CCDC158: variants seen among roughly 807,000 people sequenced by gnomAD.
The protein encoded by CCDC158 is coiled-coil domain-containing protein 158.
In CCDC158, 116 loss-of-function variants were observed where a neutral mutation model predicts 138.6. The ratio of observed to expected loss-of-function variants is 0.84; its 90% CI spans 0.72 to 0.98. CCDC158 has a LOEUF of 0.98. Ranked by LOEUF, CCDC158 falls within the 50% of genes least tolerant of loss-of-function variation. CCDC158 has a pLI of 0.00. For synonymous variants in CCDC158, 436 were observed against 442.4 expected (o/e 0.99, Z 0.18); for missense variants, 1,265 against 1,306.1 (o/e 0.97, Z 0.48).
chr4:76,326,315 C>G (rs6834622), intron 22 of CCDC158, among the ~76,000 whole-genome samples: 4,455 of 152,142 alleles, frequency 0.029, 220 homozygotes, highest in African/African-American at 0.1. Flanking sequence ...ATGAATGCTC[C>G]CTAGAGTAAG....
intron 2 of CCDC158, among the ~76,000 whole-genome samples, chr4:76,406,075 AC>A (rs1330699647): frequency 6.6e-6 from 1 of 152,168 alleles, no homozygotes; most frequent in Middle Eastern, 3.2e-3. Context: ...AAAAAAAACA[AC>A]CCTGCTATGT....
intron 8 of CCDC158, among the ~76,000 whole-genome samples, chr4:76,380,848 G>A (rs572960771): frequency 8.5e-5 from 13 of 152,202 alleles, no homozygotes; most frequent in East Asian, 3.9e-4. Context: ...CGCTCTGTGC[G>A]TCCTCGGTAC....
At chr4:76,326,132 G>C (rs547283138) in intron 22 of CCDC158, 117 bp from the exon 23 acceptor site, 2 of 794,502 alleles carry the variant, frequency 2.5e-6, no homozygotes, top group East Asian at 5.2e-5. Context: ...GGGACAGGGG[G>C]ACATTCTTCT....
At chr4:76,329,140 T>A (rs1720792978) in intron 21 of CCDC158, among the ~76,000 whole-genome samples, 173 bp from the exon 22 acceptor site, 1 of 152,202 alleles carries the variant, frequency 6.6e-6, no homozygotes, top group Non-Finnish European at 1.5e-5. Flanking sequence ...CAAAGTTGCA[T>A]TATCTTTTTG....
chr4:76,337,659 G>A (rs1023179744), intron 18 of CCDC158, among the ~76,000 whole-genome samples: 35 of 151,884 alleles, frequency 2.3e-4, no homozygotes, highest in Non-Finnish European at 1.8e-4. Flanking sequence ...TTGAACCCAG[G>A]AGGCAGAGGT....
At chr4:76,338,932 T>A (rs549739636) in intron 18 of CCDC158, among the ~76,000 whole-genome samples, 2 of 152,184 alleles carry the variant, frequency 1.3e-5, no homozygotes, top group Non-Finnish European at 2.9e-5. Context: ...GCTCTAAGAC[T>A]GCCAACGAAA....
At chr4:76,367,045 A>G (rs1171440475) in intron 12 of CCDC158, among the ~76,000 whole-genome samples, 1 of 152,100 alleles carries the variant, frequency 6.6e-6, no homozygotes, top group African/African-American at 2.4e-5. Flanking sequence ...ATCAGGAAAG[A>G]CTTCATAGAT....
At chr4:76,405,491 T>A (rs1179675966) in intron 2 of CCDC158, among the ~76,000 whole-genome samples, 1 of 151,900 alleles carries the variant, frequency 6.6e-6, no homozygotes, top group Non-Finnish European at 1.5e-5. Flanking sequence ...AAAGTAAATT[T>A]GGAAAAAAAG....
At chr4:76,391,399 A>G (rs770747324) in intron 4 of CCDC158, among the ~76,000 whole-genome samples, 2 of 152,036 alleles carry the variant, frequency 1.3e-5, no homozygotes, top group Non-Finnish European at 2.9e-5. Flanking sequence ...ACAAATACAC[A>G]GAAATTAAAC....
chr4:76,382,776 A>C lies in CCDC158; in HGVS notation c.804-56T>G, dbSNP rs775263258. On this transcript the variant is annotated intron_variant, in intron 7 of 24. Transcript: ENST00000682701. ...ATACAGAAGATTTTCCTGACTATGAATTATTTTAAAAATTAATGATTTTCA... is the reference window on the plus strand; with the variant it reads ...ATACAGAAGATTTTCCTGACTATGACTTATTTTAAAAATTAATGATTTTCA... The C allele has an allele frequency of 5.1e-6, 6 of 1,172,494 alleles. No individual in the cohort carries two copies. The African/African-American group carries it at 7.7e-5, about 15-fold the overall frequency. 72.6% of individuals were successfully genotyped at this position (1,172,494 alleles called of 1,614,324 possible). A position where few individuals can be genotyped will look rare whatever the true frequency, so the allele number is the denominator to read the frequency against.
At chr4:76,316,900 CA>C (rs77150446) in intron 24 of CCDC158, among the ~76,000 whole-genome samples, 3,830 of 62,500 alleles carry the variant, frequency 0.061, 28 homozygotes, top group Non-Finnish European at 0.068. Context: ...CTTTTGCAGA[CA>C]AAAAAAAAAA....
At chr4:76,381,356 C>T (rs1726229070) in intron 8 of CCDC158, among the ~76,000 whole-genome samples, 2 of 152,234 alleles carry the variant, frequency 1.3e-5, no homozygotes, top group Non-Finnish European at 2.9e-5. Flanking sequence ...CTTGGGAGCC[C>T]TGCCTTGCAT....
At chr4:76,403,083 G>A in intron 3 of CCDC158, 55 bp downstream of exon 3, 2 of 1,236,448 alleles carry the variant, frequency 1.6e-6, no homozygotes, top group Non-Finnish European at 2.3e-6. Context: ...CAGCTTGAAT[G>A]AATATCATGG....
chr4:76,325,434 C>T (rs1720430620), intron 23 of CCDC158, among the ~76,000 whole-genome samples: 1 of 152,142 alleles, frequency 6.6e-6, no homozygotes, highest in Non-Finnish European at 1.5e-5. Flanking sequence ...AAATAACAAA[C>T]TAACTTAAAA....
At chr4:76,349,793 GCTGCTAGGAAAAAT>G (rs1252812806) in intron 18 of CCDC158, among the ~76,000 whole-genome samples, 1 of 152,154 alleles carries the variant, frequency 6.6e-6, no homozygotes, top group Non-Finnish European at 1.5e-5. Flanking sequence ...TATATATTAA[GCTGCTAGGAAAAAT>G]CTAATAGATT....
chr4:76,353,389 T>A, intron 15 of CCDC158, 108 bp from the exon 16 acceptor site: 1 of 789,472 alleles, frequency 1.3e-6, no homozygotes, highest in Non-Finnish European at 2.0e-6. Flanking sequence ...TAGGTAAGTT[T>A]AATTTATATG....
chr4:76,404,208 T>C (rs1405199043), intron 2 of CCDC158, among the ~76,000 whole-genome samples: 1 of 152,104 alleles, frequency 6.6e-6, no homozygotes, highest in African/African-American at 2.4e-5. Flanking sequence ...CCTTCTTCCA[T>C]CCTTCCCACC....
chr4:76,362,698 T>C (rs1231823180), intron 12 of CCDC158, among the ~76,000 whole-genome samples: 1 of 152,256 alleles, frequency 6.6e-6, no homozygotes, highest in Non-Finnish European at 1.5e-5. Flanking sequence ...AGCAGGGCTA[T>C]GACTAGGGTA....
intron 17 of CCDC158, 45 bp downstream of exon 17, chr4:76,351,675 G>C (rs769141931): frequency 1.8e-6 from 2 of 1,138,984 alleles, no homozygotes; most frequent in Admixed American, 3.5e-5. Context: ...GCATATCAAA[G>C]AACGGCATTA....
Sources: gnomAD v4.1 joint callset for allele counts (sites outside exome capture counted in the v4.1 genomes callset) on GRCh38, gnomAD v4.1.1 for gene constraint, MANE v1.5 for transcripts, NCBI Gene and HGNC (gene_info 2026-07-23, HGNC 2026-07-21) for gene names.